The following UGGT2 variants were observed in gnomAD, a reference collection of about 807,000 sequenced individuals.
UGGT2 encodes UDP-glucose:glycoprotein glucosyltransferase 2.
In UGGT2, 180 loss-of-function variants were observed where a neutral mutation model predicts 192.1. The observed-to-expected ratio is 0.94, with a 90% confidence interval of 0.83 to 1.06. The LOEUF (loss-of-function observed/expected upper bound fraction) is 1.06. UGGT2 is among the 50% of genes least tolerant of loss of function. UGGT2 has a pLI of 0.00. For synonymous variants in UGGT2, 580 were observed against 591.0 expected (o/e 0.98, Z 0.27); for missense variants, 1,849 against 1,795.7 (o/e 1.03, Z -0.54).
intron 20 of UGGT2, among the ~76,000 whole-genome samples, chr13:95,904,642 T>C (rs1317034386): frequency 2.0e-5 from 3 of 152,134 alleles, no homozygotes; most frequent in Non-Finnish European, 2.9e-5. Flanking sequence ...TTTTTATGGC[T>C]GCATAGAATT....
chr13:95,903,079 A>G lies in UGGT2; in HGVS notation c.2296-19T>C, dbSNP rs749518712. 21 of 1,597,468 alleles carry G rather than the reference A, an allele frequency of 1.3e-5. No individual in the cohort carries two copies. Among genetic ancestry groups the G allele is most frequent in the Non-Finnish European group, 1.8e-5 (21 of 1,174,192 alleles). On this transcript the variant is annotated intron_variant, in intron 20 of 38. Coordinates refer to ENST00000376747, the MANE Select transcript of UGGT2 (RefSeq NM_020121.4). ...TTGTTTTCTGCAAACATATTTATAG[A>G]TTAAAAAGACCAGTATCATACATAT...
intron 36 of UGGT2, among the ~76,000 whole-genome samples, chr13:95,841,451 C>T (rs537296851): frequency 4.6e-5 from 7 of 152,246 alleles, no homozygotes; most frequent in Admixed American, 3.9e-4. Flanking sequence ...TCGGGAGGAA[C>T]ACACATGGAG....
At chr13:95,905,903 G>A (rs546833371) in intron 20 of UGGT2, among the ~76,000 whole-genome samples, 45 of 152,172 alleles carry the variant, frequency 3.0e-4, no homozygotes, top group Non-Finnish European at 5.7e-4. Flanking sequence ...ACGTGAAAAG[G>A]GGGAAGTGTC....
At chr13:95,938,818 T>C (rs2049557350) in intron 16 of UGGT2, among the ~76,000 whole-genome samples, 1 of 152,152 alleles carries the variant, frequency 6.6e-6, no homozygotes, top group Admixed American at 6.5e-5. Context: ...TGGTACTTCC[T>C]AAATAATTCA....
chr13:95,871,034 GT>G (rs1200208832), intron 29 of UGGT2, among the ~76,000 whole-genome samples: 1 of 152,114 alleles, frequency 6.6e-6, no homozygotes, highest in Admixed American at 6.5e-5. Context: ...TCAGTCACAG[GT>G]ATTCTGTTAC....
At chr13:95,834,830 C>G (rs1594104935) in intron 37 of UGGT2, among the ~76,000 whole-genome samples, 1 of 152,252 alleles carries the variant, frequency 6.6e-6, no homozygotes, top group East Asian at 1.9e-4. Flanking sequence ...CTTTAGGATT[C>G]AAGATATATG....
chr13:95,946,503 T>C (rs2049874424), intron 15 of UGGT2, among the ~76,000 whole-genome samples: 1 of 152,172 alleles, frequency 6.6e-6, no homozygotes, highest in African/African-American at 2.4e-5. Context: ...TGAGTAACTA[T>C]GACTACAGGC....
At chr13:95,904,707 T>C (rs1400389295) in intron 20 of UGGT2, among the ~76,000 whole-genome samples, 1 of 152,174 alleles carries the variant, frequency 6.6e-6, no homozygotes, top group Non-Finnish European at 1.5e-5. Context: ...GTTGGACATT[T>C]CGGTTGGTTC....
chr13:95,825,009 G>A (rs1210605696), intron 38 of UGGT2, among the ~76,000 whole-genome samples: 1 of 152,022 alleles, frequency 6.6e-6, no homozygotes, highest in Non-Finnish European at 1.5e-5. Flanking sequence ...TTGGTTATTT[G>A]TGCTTTTGGG....
chr13:95,944,106 C>CA (rs2049784608), intron 15 of UGGT2, among the ~76,000 whole-genome samples: 1 of 151,888 alleles, frequency 6.6e-6, no homozygotes, highest in Non-Finnish European at 1.5e-5. Flanking sequence ...CTCACCTTGT[C>CA]ATGATAATTT....
chr13:95,942,224 GTGTGTGTGT>G (rs2049711105), intron 15 of UGGT2, among the ~76,000 whole-genome samples: 1,136 of 82,714 alleles, frequency 0.014, 6 homozygotes, highest in South Asian at 0.025. Flanking sequence ...GGGTGAGGGT[GTGTGTGTGT>G]GTGTGTGTGT....
At chr13:95,975,054 C>A (rs906640257) in intron 10 of UGGT2, among the ~76,000 whole-genome samples, 2 of 152,072 alleles carry the variant, frequency 1.3e-5, no homozygotes, top group Non-Finnish European at 2.9e-5. Context: ...GCACTCCATC[C>A]TGGATGATAG....
chr13:95,802,920 G>A (rs534965050), intron 38 of UGGT2, among the ~76,000 whole-genome samples: 1 of 152,132 alleles, frequency 6.6e-6, no homozygotes, highest in Non-Finnish European at 1.5e-5. Flanking sequence ...TGCAAGCTCC[G>A]CCTCCTGGGT....
chr13:95,828,247 C>T (rs1326296250), intron 38 of UGGT2, among the ~76,000 whole-genome samples: 6 of 152,036 alleles, frequency 3.9e-5, no homozygotes, highest in Non-Finnish European at 7.4e-5. Context: ...ACCCTAACAT[C>T]ACAATGAAAA....
At chr13:95,913,649 T>C (rs1282272051) in intron 20 of UGGT2, among the ~76,000 whole-genome samples, 3 of 152,196 alleles carry the variant, frequency 2.0e-5, no homozygotes, top group Non-Finnish European at 4.4e-5. Context: ...TGAGTGTAAA[T>C]TAGTTCAACC....
chr13:95,854,536 G>A, intron 34 of UGGT2, 61 bp from the exon 35 acceptor site: 1 of 1,394,450 alleles, frequency 7.2e-7, no homozygotes, highest in Non-Finnish European at 9.5e-7. Flanking sequence ...CCTTTTTTAT[G>A]GGAATCTCAA....
chr13:95,877,414 T>C (rs762884253), intron 28 of UGGT2, 50 bp from the exon 29 acceptor site: 8 of 1,419,310 alleles, frequency 5.6e-6, no homozygotes, highest in Middle Eastern at 1.9e-4. Context: ...CTAAAAACCA[T>C]CGAATTGCTC....
At chr13:95,891,908 A>C (rs1226432248) in intron 24 of UGGT2, among the ~76,000 whole-genome samples, 1 of 152,104 alleles carries the variant, frequency 6.6e-6, no homozygotes, top group East Asian at 1.9e-4. Flanking sequence ...AGAAAACTGC[A>C]AGACATTTTA....
At position 95,887,896 on chromosome 13, in the gene UGGT2, C is replaced by T. The variant is rs2047689735; in HGVS notation, c.3034G>A (p.Glu1012Lys). 6.3e-7 allele frequency: 1 copy of T among 1,592,622 alleles called. No homozygotes were observed. The highest frequency in any genetic ancestry group is 1.3e-5 in the African/African-American group (1 of 74,114). ...ATTTTGTTCACTCAGATTTACCTTT[C>T]TAAAGGGGCTTCTGAAAGCCTGCCC... The part of the protein sequence containing the change: ...CRGRLSEAPL[E>K]SFYRFVLEPE... Residue 1012 changes from glutamate (E) to lysine (K), a missense_variant, in exon 26 of 39, where the codon GAA becomes AAA. By Grantham distance (56) the Glu-to-Lys change is moderately conservative. Transcript: ENST00000376747.
Sources: allele counts gnomAD v4.1 joint callset (sites outside exome capture counted in the v4.1 genomes callset), GRCh38; gene constraint gnomAD v4.1.1; transcripts MANE v1.5; gene names NCBI Gene and HGNC (gene_info 2026-07-23, HGNC 2026-07-21).